SAAL1: variants seen among roughly 807,000 people sequenced by gnomAD.
SAAL1 encodes protein SAAL1.
A neutral mutation model predicts 59.8 loss-of-function variants in SAAL1; 42 were observed. That is an observed-to-expected ratio of 0.70 (90% confidence interval 0.55 to 0.91). The LOEUF is 0.91. SAAL1 is among the 40% of genes least tolerant of loss of function. SAAL1 has a pLI of 0.00. For synonymous variants in SAAL1, 191 were observed against 194.3 expected (o/e 0.98, Z 0.14); for missense variants, 542 against 561.1 (o/e 0.97, Z 0.34).
chr11:18,101,772 T>TA (rs1848636357), intron 2 of SAAL1, among the ~76,000 whole-genome samples: 1 of 140,058 alleles, frequency 7.1e-6, no homozygotes, highest in Non-Finnish European at 1.5e-5. Flanking sequence ...CATCAACAGG[T>TA]AAAAAATAAA....
At chr11:18,094,269 G>C (rs1221279463) in intron 3 of SAAL1, among the ~76,000 whole-genome samples, 1 of 152,144 alleles carries the variant, frequency 6.6e-6, no homozygotes, top group Non-Finnish European at 1.5e-5. Flanking sequence ...TCCACTCATA[G>C]GTGGATTTTT....
At chr11:18,082,909 G>A (rs899048765) in intron 10 of SAAL1, among the ~76,000 whole-genome samples, 3 of 152,172 alleles carry the variant, frequency 2.0e-5, no homozygotes, top group Non-Finnish European at 4.4e-5. Flanking sequence ...GGGATTATAG[G>A]CGCCTGGCCA....
At chr11:18,091,901 C>T (rs1848527078) in intron 4 of SAAL1, among the ~76,000 whole-genome samples, 1 of 152,160 alleles carries the variant, frequency 6.6e-6, no homozygotes, top group African/African-American at 2.4e-5. Context: ...CTGTAGACTC[C>T]AGCTGAGTCA....
chr11:18,087,335 G>A, intron 7 of SAAL1, 110 bp from the exon 8 acceptor site: 1 of 681,196 alleles, frequency 1.5e-6, no homozygotes, highest in Non-Finnish European at 2.5e-6. Context: ...TGTTCAAGGT[G>A]CTGAGGATAA....
At chr11:18,092,174 C>T in intron 4 of SAAL1, 71 bp downstream of exon 4, 1 of 769,740 alleles carries the variant, frequency 1.3e-6, no homozygotes, top group East Asian at 2.7e-5. Context: ...TGCTACTTTT[C>T]CTATGTATTA....
At chr11:18,089,916 G>A (rs545380505) in intron 6 of SAAL1, among the ~76,000 whole-genome samples, 53 of 152,168 alleles carry the variant, frequency 3.5e-4, no homozygotes, top group African/African-American at 1.2e-3. Flanking sequence ...TGAGCATGGC[G>A]GTGCATGACT....
chr11:18,092,653 G>T (rs536937847), intron 3 of SAAL1, among the ~76,000 whole-genome samples: 2 of 152,190 alleles, frequency 1.3e-5, no homozygotes, highest in East Asian at 3.8e-4. Flanking sequence ...ATCAGCAAAG[G>T]CAGGAAGGGA....
At chr11:18,094,377 G>C (rs1848551823) in intron 3 of SAAL1, among the ~76,000 whole-genome samples, 1 of 152,184 alleles carries the variant, frequency 6.6e-6, no homozygotes, top group African/African-American at 2.4e-5. Context: ...CCACAGAGCT[G>C]ACTGCTAAAT....
At chr11:18,094,132 T>C (rs1046380333) in intron 3 of SAAL1, among the ~76,000 whole-genome samples, 1 of 152,108 alleles carries the variant, frequency 6.6e-6, no homozygotes, top group African/African-American at 2.4e-5. Flanking sequence ...TGGAAAGCTA[T>C]TGTTTACCCA....
chr11:18,086,229 CCT>C (rs372175575), intron 9 of SAAL1, among the ~76,000 whole-genome samples: 161 of 151,770 alleles, frequency 1.1e-3, no homozygotes, highest in African/African-American at 3.6e-3. Context: ...ATTGTGAGAC[CCT>C]GTCTCTATAA....
Position 18,090,279 on chromosome 11 carries a change from G to A in SAAL1, c.485C>T (p.Thr162Ile), listed in dbSNP as rs757359987. The A allele has an allele frequency of 1.0e-5, 16 of 1,592,186 alleles. No homozygotes were observed. Among genetic ancestry groups the A allele is most frequent in the Non-Finnish European group, 1.4e-5 (16 of 1,173,564 alleles). The change falls in exon 6 of 12, where the codon ACT becomes ATT. Residue 162 changes from threonine to isoleucine, a missense_variant. Thr to Ile is a moderately conservative substitution (Grantham distance 89). Coordinates refer to ENST00000524803, the MANE Select transcript of SAAL1 (RefSeq NM_138421.3). Reference sequence around the variant, plus strand: ...GGCCACTTCTGCCTGGGAAAGGCAAGTAAGCAACAACCTACATGGTAAACG... The same window carrying A: ...GGCCACTTCTGCCTGGGAAAGGCAAATAAGCAACAACCTACATGGTAAACG... ...TLLETSRLLL[T>I]CLSQAEVASV...
At chr11:18,091,367 AT>A in intron 4 of SAAL1, among the ~76,000 whole-genome samples, 1 of 152,312 alleles carries the variant, frequency 6.6e-6, no homozygotes, top group Admixed American at 6.5e-5. Context: ...TCATTTTTGG[AT>A]TTTTGATAGA....
rs141695344 is a variant in SAAL1, at chr11:18,090,071, T to G, written c.589+104A>C. ...TCAAACAAACTTCATTACCTTGCAC[T>G]CAAGGCTTTTTTTAAAAAGGTGACT... On this transcript the variant is annotated intron_variant, in intron 6 of 11. Transcript: ENST00000524803. 8 of 1,129,848 alleles carry G rather than the reference T, an allele frequency of 7.1e-6. No individual in the cohort carries two copies. In the African/African-American group the frequency reaches 1.3e-4, roughly 18 times the overall value. 70.0% of individuals were successfully genotyped at this position (1,129,848 alleles called of 1,614,324 possible). A position where few individuals can be genotyped will look rare whatever the true frequency, so the allele number is the denominator to read the frequency against.
intron 3 of SAAL1, among the ~76,000 whole-genome samples, chr11:18,095,859 G>A (rs1456804673): frequency 6.6e-6 from 1 of 152,186 alleles, no homozygotes; most frequent in Non-Finnish European, 1.5e-5. Flanking sequence ...GGTGTGGAAG[G>A]AAAAGTACCA....
intron 2 of SAAL1, among the ~76,000 whole-genome samples, chr11:18,102,607 A>G (rs1364161260): frequency 6.6e-6 from 1 of 152,188 alleles, no homozygotes; most frequent in East Asian, 1.9e-4. Flanking sequence ...GAGGTGAAAG[A>G]GACTAAAACA....
At chr11:18,091,467 T>C (rs967410020) in intron 4 of SAAL1, among the ~76,000 whole-genome samples, 2 of 152,300 alleles carry the variant, frequency 1.3e-5, no homozygotes, top group African/African-American at 2.4e-5. Context: ...ACTAGGATCT[T>C]AAAGTCCCTC....
intron 2 of SAAL1, among the ~76,000 whole-genome samples, chr11:18,102,279 G>C (rs1848642788): frequency 6.6e-6 from 1 of 151,896 alleles, no homozygotes; most frequent in South Asian, 2.1e-4. Flanking sequence ...GCTCACACCT[G>C]TACTCCCAGC....
At position 18,086,863 on chromosome 11, in the gene SAAL1, T is replaced by C; in HGVS notation, c.1042+3A>G. ...CAGTATGAGCCTGGGAAACTGTACT[T>C]GCCTTTTTCTATCTTTAGATACTCT... On this transcript the variant is annotated splice_donor_region_variant and intron_variant, in intron 9 of 11. Transcript: ENST00000524803. 1 of 1,563,930 alleles carries C rather than the reference T, an allele frequency of 6.4e-7. No homozygotes were observed. Among genetic ancestry groups the C allele is most frequent in the South Asian group, 1.2e-5 (1 of 82,556 alleles).
chr11:18,102,390 T>C (rs1412268204), intron 2 of SAAL1, among the ~76,000 whole-genome samples: 10 of 147,446 alleles, frequency 6.8e-5, no homozygotes, highest in Non-Finnish European at 1.5e-4. Flanking sequence ...TGATAGAGAC[T>C]CCATCTCAAA....
Sources: allele counts gnomAD v4.1 joint callset (sites outside exome capture counted in the v4.1 genomes callset), GRCh38; gene constraint gnomAD v4.1.1; transcripts MANE v1.5; gene names NCBI Gene and HGNC (gene_info 2026-07-23, HGNC 2026-07-21).